TBC1D5: variants seen among roughly 807,000 people sequenced by gnomAD.
TBC1D5 encodes TBC1 domain family, member 5.
A neutral mutation model predicts 100.3 loss-of-function variants in TBC1D5; 75 were observed. That is an observed-to-expected ratio of 0.75 (90% CI 0.62 to 0.91). The LOEUF (loss-of-function observed/expected upper bound fraction) is 0.91, where lower values mean the gene tolerates loss of function less well. Ranked by LOEUF, TBC1D5 falls within the 40% of genes least tolerant of loss-of-function variation. The pLI is 0.00. For synonymous variants in TBC1D5, 323 were observed against 325.6 expected, an observed-to-expected ratio of 0.99 and a Z score of 0.09; for missense variants, 910 against 942.4, an observed-to-expected ratio of 0.97 and a Z score of 0.45.
intron 15 of TBC1D5, among the ~76,000 whole-genome samples, chr3:17,284,522 A>C (rs928367150): frequency 6.6e-6 from 1 of 152,150 alleles, no homozygotes; most frequent in East Asian, 1.9e-4. Flanking sequence ...ATATACCATT[A>C]TATCACCATG....
At chr3:17,390,486 G>C (rs1430269547) in intron 8 of TBC1D5, among the ~76,000 whole-genome samples, 1 of 152,036 alleles carries the variant, frequency 6.6e-6, no homozygotes, top group Non-Finnish European at 1.5e-5. Flanking sequence ...CAAAGCATTG[G>C]GCTCAGATGA....
chr3:17,728,510 T>C (rs916197495), intron 1 of TBC1D5, among the ~76,000 whole-genome samples: 2 of 152,156 alleles, frequency 1.3e-5, no homozygotes, highest in Non-Finnish European at 2.9e-5. Flanking sequence ...TACAGGAACT[T>C]GTTACTGATA....
intron 1 of TBC1D5, among the ~76,000 whole-genome samples, chr3:17,654,461 A>G (rs974542435): frequency 2.0e-5 from 3 of 152,210 alleles, no homozygotes; most frequent in Non-Finnish European, 4.4e-5. Flanking sequence ...CAATCATTTT[A>G]AAAATGAAAC....
intron 17 of TBC1D5, among the ~76,000 whole-genome samples, chr3:17,225,782 T>C (rs2148765413): frequency 6.6e-6 from 1 of 152,222 alleles, no homozygotes; most frequent in South Asian, 2.1e-4. Flanking sequence ...AGGTAGAGGC[T>C]GCAGTGTGCC....
chr3:17,379,994 T>C (rs1038508189), intron 9 of TBC1D5, among the ~76,000 whole-genome samples: 2 of 151,512 alleles, frequency 1.3e-5, no homozygotes, highest in African/African-American at 4.8e-5. Context: ...CGAACTACTG[T>C]ACTGTACTGT....
chr3:17,735,648 G>C (rs892043459), intron 1 of TBC1D5, among the ~76,000 whole-genome samples: 1 of 152,202 alleles, frequency 6.6e-6, no homozygotes, highest in African/African-American at 2.4e-5. Flanking sequence ...CCAGAGACTA[G>C]TGTTCAGCTC....
intron 13 of TBC1D5, among the ~76,000 whole-genome samples, chr3:17,310,291 TTC>T (rs1179814189): frequency 3.9e-5 from 6 of 152,138 alleles, no homozygotes; most frequent in Non-Finnish European, 5.9e-5. Flanking sequence ...CATCTTTATT[TTC>T]TGTGTCAAAT....
chr3:17,519,882 A>T (rs998535435), intron 2 of TBC1D5, among the ~76,000 whole-genome samples: 2 of 152,226 alleles, frequency 1.3e-5, no homozygotes, highest in African/African-American at 4.8e-5. Flanking sequence ...TAAAACAGTC[A>T]CTTAACAAAT....
At chr3:17,282,812 A>G (rs920949266) in intron 15 of TBC1D5, among the ~76,000 whole-genome samples, 1 of 152,258 alleles carries the variant, frequency 6.6e-6, no homozygotes, top group Non-Finnish European at 1.5e-5. Context: ...AACAAAGAAA[A>G]TATTTATGTT....
intron 4 of TBC1D5, among the ~76,000 whole-genome samples, chr3:17,410,148 T>C (rs1385944807): frequency 6.6e-6 from 1 of 152,164 alleles, no homozygotes; most frequent in Non-Finnish European, 1.5e-5. Context: ...TTAACCATTC[T>C]GAAAGTCCTA....
At chr3:17,656,490 T>A (rs2066074902) in intron 1 of TBC1D5, among the ~76,000 whole-genome samples, 1 of 152,220 alleles carries the variant, frequency 6.6e-6, no homozygotes, top group African/African-American at 2.4e-5. Context: ...TTATTTGATA[T>A]GTTCCCTGAA....
chr3:17,673,009 T>TA (rs1360973197), intron 1 of TBC1D5, among the ~76,000 whole-genome samples: 11 of 152,040 alleles, frequency 7.2e-5, no homozygotes, highest in South Asian at 2.1e-4. Context: ...CAACCAGGTG[T>TA]AAAAAATCAC....
rs1336963807 is a variant in TBC1D5 at position 17,576,195 on chromosome 3, C to CT, written c.-36+47653dup. Among the ~76,000 whole-genome samples, 9 of 152,044 alleles carry CT rather than the reference C, an allele frequency of 5.9e-5. No homozygotes were observed. The East Asian group carries it at 1.7e-3, about 29-fold the overall frequency. On this transcript the variant is annotated intron_variant, in intron 2 of 21. Coordinates refer to ENST00000253692, the Ensembl canonical transcript of TBC1D5. ...CGTACACGTGTTTAAGATTGTATTG[C>CT]TTTTAAATTGATCTCTACAAGAAAT...
At chr3:17,394,436 T>C (rs2093442433) in intron 8 of TBC1D5, among the ~76,000 whole-genome samples, 1 of 152,144 alleles carries the variant, frequency 6.6e-6, no homozygotes, top group Non-Finnish European at 1.5e-5. Context: ...CATGTCATAG[T>C]CTTTCTGAGC....
intron 1 of TBC1D5, among the ~76,000 whole-genome samples, chr3:17,690,744 T>C (rs1349585915): frequency 1.3e-5 from 2 of 152,172 alleles, no homozygotes; most frequent in African/African-American, 2.4e-5. Flanking sequence ...ATCTAATGCC[T>C]GGTGATCTAA....
intron 2 of TBC1D5, among the ~76,000 whole-genome samples, chr3:17,555,173 A>T (rs2096507146): frequency 6.6e-6 from 1 of 151,952 alleles, no homozygotes; most frequent in Non-Finnish European, 1.5e-5. Flanking sequence ...TTCTAATGCA[A>T]GTTGACAATG....
chr3:17,585,099 G>C (rs2096724646), intron 2 of TBC1D5, among the ~76,000 whole-genome samples: 1 of 151,874 alleles, frequency 6.6e-6, no homozygotes, highest in African/African-American at 2.4e-5. Context: ...CCAGGATTAG[G>C]GATAATTTTT....
chr3:17,469,309 C>A (rs1004700439), intron 3 of TBC1D5, among the ~76,000 whole-genome samples: 4 of 152,214 alleles, frequency 2.6e-5, no homozygotes, highest in Admixed American at 2.0e-4. Flanking sequence ...AATAATCTAT[C>A]GAGTCACATC....
chr3:17,339,632 T>C (rs1022113206), intron 13 of TBC1D5, among the ~76,000 whole-genome samples: 14 of 152,238 alleles, frequency 9.2e-5, no homozygotes, highest in Non-Finnish European at 5.9e-5. Context: ...TACTGATATA[T>C]AGAAATCTAT....
Sources: gnomAD v4.1 joint callset for allele counts (sites outside exome capture counted in the v4.1 genomes callset) on GRCh38, gnomAD v4.1.1 for gene constraint, MANE v1.5 for transcripts, NCBI Gene and HGNC (gene_info 2026-07-23, HGNC 2026-07-21) for gene names.